The following TLN2 variants were observed in gnomAD, a reference collection of about 807,000 sequenced individuals.
TLN2 encodes talin-2.
In TLN2, 118 loss-of-function variants were observed where a neutral mutation model predicts 294.7. The ratio of observed to expected loss-of-function variants is 0.40; its 90% confidence interval spans 0.34 to 0.47. The LOEUF (loss-of-function observed/expected upper bound fraction) is 0.47, where lower values mean the gene tolerates loss of function less well. Ranked by LOEUF, TLN2 falls within the 20% of genes least tolerant of loss-of-function variation. The pLI is 0.84. For synonymous variants in TLN2, 1,431 were observed against 1,304.5 expected, an observed-to-expected ratio of 1.10 and a Z score of -2.09; for missense variants, 3,083 against 3,282.2, an observed-to-expected ratio of 0.94 and a Z score of 1.48.
intron 2 of TLN2, among the ~76,000 whole-genome samples, chr15:62,611,175 C>T (rs2140822802): frequency 6.6e-6 from 1 of 152,240 alleles, no homozygotes; most frequent in African/African-American, 2.4e-5. Context: ...TATAAAGCCT[C>T]TTTATATCCT....
At chr15:62,711,712 A>G (rs1334551327) in intron 21 of TLN2, among the ~76,000 whole-genome samples, 199 bp from the exon 22 acceptor site, 1 of 152,010 alleles carries the variant, frequency 6.6e-6, no homozygotes, top group East Asian at 1.9e-4. Context: ...GTGTTTGGGG[A>G]GCCGCATCCT....
At chr15:62,482,734 A>C (rs1310839685) in intron 1 of TLN2, among the ~76,000 whole-genome samples, 1 of 152,168 alleles carries the variant, frequency 6.6e-6, no homozygotes, top group Non-Finnish European at 1.5e-5. Flanking sequence ...AAAGAGTTAA[A>C]AAAAAATGGG....
Position 62,737,101 on chromosome 15 carries a change from G to A in TLN2, c.3567+15G>A, listed in dbSNP as rs1408793021. ...GACTGGCTCAGGTGAGGCTAGGAAT[G>A]AGAAATTGTGGTTGTCATGGTCATC... On this transcript the variant is annotated intron_variant, in intron 29 of 58. Coordinates refer to ENST00000636159, the MANE Select transcript of TLN2 (RefSeq NM_015059.3). The A allele has an allele frequency of 6.2e-7, 1 of 1,613,340 alleles. No individual in the cohort carries two copies. The highest frequency in any genetic ancestry group is 1.3e-5 in the African/African-American group (1 of 74,914).
rs11394714 is a variant in TLN2 at position 62,674,511 on chromosome 15, A to ATT, written c.852+634_852+635dup. ...TTTACCCTATTCTATGGAAAACGAT[A>ATT]TTTTTTTTTTTTTTGAGACAGAGCC... On this transcript the variant is annotated intron_variant, in intron 10 of 58. Transcript: ENST00000636159. Among the ~76,000 whole-genome samples the ATT allele has an allele frequency of 3.2e-3, 465 of 143,390 alleles. 3 individuals carry two copies. Among genetic ancestry groups the ATT allele is most frequent in the South Asian group, 0.016 (73 of 4,460 alleles). The allele number at this position is 143,390 out of a possible 152,430, so 94.1% of individuals were successfully genotyped here.
At chr15:62,825,166 T>C (rs2067937659) in intron 54 of TLN2, among the ~76,000 whole-genome samples, 1 of 152,206 alleles carries the variant, frequency 6.6e-6, no homozygotes, top group Admixed American at 6.5e-5. Context: ...GCAGGTGCTC[T>C]GTCAGGCGGG....
chr15:62,806,756 G>A (rs2066314973), intron 51 of TLN2, among the ~76,000 whole-genome samples: 1 of 152,146 alleles, frequency 6.6e-6, no homozygotes, highest in Non-Finnish European at 1.5e-5. Flanking sequence ...TTGCCCCCAG[G>A]GACTCCGGCT....
At chr15:62,709,686 C>T (rs2059296599) in intron 21 of TLN2, among the ~76,000 whole-genome samples, 1 of 152,092 alleles carries the variant, frequency 6.6e-6, no homozygotes, top group African/African-American at 2.4e-5. Context: ...TCCCGAAATT[C>T]ATAACCTTTT....
intron 3 of TLN2, among the ~76,000 whole-genome samples, chr15:62,638,923 T>C (rs1298313766): frequency 6.6e-6 from 1 of 152,192 alleles, no homozygotes; most frequent in Non-Finnish European, 1.5e-5. Context: ...TCAGCATCTG[T>C]GGTTCCTGGA....
At chr15:62,707,732 C>G (rs894700843) in intron 20 of TLN2, among the ~76,000 whole-genome samples, 2 of 152,144 alleles carry the variant, frequency 1.3e-5, no homozygotes, top group Non-Finnish European at 1.5e-5. Flanking sequence ...AAATTAAGCA[C>G]CATTATCTCT....
chr15:62,761,652 G>A, intron 37 of TLN2, 29 bp from the exon 38 acceptor site: 2 of 1,613,648 alleles, frequency 1.2e-6, no homozygotes, highest in Non-Finnish European at 1.7e-6. Flanking sequence ...TTCTCAATTG[G>A]GCAGAATCTC....
At chr15:62,604,379 C>T (rs566393077) in intron 2 of TLN2, among the ~76,000 whole-genome samples, 1 of 152,026 alleles carries the variant, frequency 6.6e-6, no homozygotes, top group South Asian at 2.1e-4. Flanking sequence ...AAAAATACCA[C>T]ACACAAATTA....
At chr15:62,465,949 C>A (rs1210173485) in intron 1 of TLN2, among the ~76,000 whole-genome samples, 2 of 152,154 alleles carry the variant, frequency 1.3e-5, no homozygotes. Flanking sequence ...CTCCTTGTGT[C>A]TCATTCCTGT....
intron 1 of TLN2, among the ~76,000 whole-genome samples, chr15:62,460,868 CT>C (rs1198181229): frequency 6.6e-6 from 1 of 152,132 alleles, no homozygotes; most frequent in East Asian, 1.9e-4. Flanking sequence ...CAGAAGCCCC[CT>C]GATACCCCTG....
chr15:62,762,191 A>T, intron 38 of TLN2, 81 bp from the exon 39 acceptor site: 1 of 1,506,024 alleles, frequency 6.6e-7, no homozygotes, highest in East Asian at 2.3e-5. Context: ...GTGATTTGGC[A>T]AAGAACAGGA....
intron 1 of TLN2, among the ~76,000 whole-genome samples, chr15:62,547,721 T>G (rs2042072312): frequency 6.6e-6 from 1 of 152,220 alleles, no homozygotes; most frequent in African/African-American, 2.4e-5. Flanking sequence ...GAGTTAGTCT[T>G]GCATCTTCCT....
At position 62,716,287 on chromosome 15, in the gene TLN2, G is replaced by A. The variant is rs377529524; in HGVS notation, c.2635-44G>A. On this transcript the variant is annotated intron_variant, in intron 22 of 58. Transcript: ENST00000636159. ...ATACTGAAGGCATGAATTCAGTGATGTCTCCTGCTGGACCACTTGAAATCT... is the reference window on the plus strand; with the variant it reads ...ATACTGAAGGCATGAATTCAGTGATATCTCCTGCTGGACCACTTGAAATCT... 4.0e-5 allele frequency: 60 copies of A among 1,507,452 alleles called. No individual in the cohort carries two copies. In the African/African-American group the frequency reaches 8.1e-4, roughly 20 times the overall value. The allele number at this position is 1,507,452 out of a possible 1,614,324, so 93.4% of individuals were successfully genotyped here.
intron 52 of TLN2, among the ~76,000 whole-genome samples, chr15:62,811,329 C>G (rs1344787700): frequency 6.6e-6 from 1 of 152,192 alleles, no homozygotes; most frequent in African/African-American, 2.4e-5. Flanking sequence ...GGAAAGACAT[C>G]TTAGCCAGTC....
rs1418025861 is a variant in TLN2, at chr15:62,478,057, G to A, written c.-238+87372G>A. ...AGTTAACAGCTCTAACAGCATTCTC[G>A]GAGTACTTCCAGTGTCCTAGGCCTT... is the stretch of plus-strand genomic sequence containing the variant. On this transcript the variant is annotated intron_variant, in intron 1 of 58. Transcript: ENST00000636159. 5.3e-5 allele frequency among the ~76,000 whole-genome samples: 8 copies of A among 152,266 alleles called. No homozygotes were observed. In the East Asian group the frequency reaches 1.2e-3, roughly 22 times the overall value.
chr15:62,714,205 T>C (rs2059621400), intron 22 of TLN2, among the ~76,000 whole-genome samples: 6 of 47,130 alleles, frequency 1.3e-4, no homozygotes, highest in Non-Finnish European at 2.7e-4. Flanking sequence ...TTTTTTTTTT[T>C]TTTCTTTTTT....
Sources: gnomAD v4.1 joint callset for allele counts (sites outside exome capture counted in the v4.1 genomes callset) on GRCh38, gnomAD v4.1.1 for gene constraint, MANE v1.5 for transcripts, NCBI Gene and HGNC (gene_info 2026-07-23, HGNC 2026-07-21) for gene names.